Variants in CSMD1 observed in about 807,000 individuals in gnomAD.
The protein encoded by CSMD1 is CUB and Sushi multiple domains 1.
A neutral mutation model predicts 417.5 loss-of-function variants in CSMD1; 213 were observed. That is an observed-to-expected ratio of 0.51 (90% CI 0.46 to 0.57). The LOEUF (loss-of-function observed/expected upper bound fraction) is 0.57, where lower values mean the gene tolerates loss of function less well. Among genes scored for constraint, CSMD1 ranks in the 20% least tolerant of loss-of-function variants. The probability of loss-of-function intolerance (pLI) is 0.00; values close to 1 mark genes in which losing one functional copy is unlikely to be tolerated. For synonymous variants in CSMD1, 2,862 were observed against 1,736.8 expected (o/e 1.65, Z -16.11); for missense variants, 6,923 against 4,529.7 (o/e 1.53, Z -15.17).
intron 3 of CSMD1, among the ~76,000 whole-genome samples, chr8:4,064,299 A>C (rs2740873): frequency 0.83 from 127,038 of 152,170 alleles, 53,098 homozygotes; most frequent in Admixed American, 0.88. Context: ...TATATCCTGC[A>C]ATGTTCCTGG....
chr8:3,771,711 C>T (rs143025491), intron 5 of CSMD1, among the ~76,000 whole-genome samples: 1 of 152,120 alleles, frequency 6.6e-6, no homozygotes, highest in Admixed American at 6.5e-5. Context: ...GAGGTAAAAG[C>T]AGACAAAACG....
At chr8:3,815,552 C>T (rs1049464488) in intron 5 of CSMD1, among the ~76,000 whole-genome samples, 8 of 151,160 alleles carry the variant, frequency 5.3e-5, no homozygotes, top group African/African-American at 1.9e-4. Flanking sequence ...AAAAACTGTG[C>T]TTTTGAAAAA....
At chr8:3,838,877 TATTA>T (rs1802900281) in intron 5 of CSMD1, among the ~76,000 whole-genome samples, 1 of 107,076 alleles carries the variant, frequency 9.3e-6, no homozygotes, top group African/African-American at 4.1e-5. Flanking sequence ...TTATATATAA[TATTA>T]ATTATAATAT....
chr8:3,382,023 C>T (rs974606535), intron 18 of CSMD1, among the ~76,000 whole-genome samples: 29 of 151,984 alleles, frequency 1.9e-4, no homozygotes, highest in African/African-American at 6.0e-4. Flanking sequence ...TTTGGGAGGC[C>T]GAGGCAGGCA....
intron 2 of CSMD1, among the ~76,000 whole-genome samples, chr8:4,587,555 T>C (rs919450115): frequency 1.3e-5 from 2 of 152,144 alleles, no homozygotes; most frequent in Admixed American, 1.3e-4. Context: ...AGGAAATTTA[T>C]TTTGATACAG....
chr8:4,044,035 A>C (rs1016023374), intron 3 of CSMD1, among the ~76,000 whole-genome samples: 7 of 151,880 alleles, frequency 4.6e-5, no homozygotes, highest in Admixed American at 2.0e-4. Context: ...TTAAAAAAAA[A>C]CGCTGAATAA....
intron 41 of CSMD1, among the ~76,000 whole-genome samples, chr8:3,125,608 G>A (rs1817463752): frequency 6.6e-6 from 1 of 152,158 alleles, no homozygotes; most frequent in Non-Finnish European, 1.5e-5. Context: ...TCCCCATACT[G>A]GGCAATTCCT....
intron 23 of CSMD1, among the ~76,000 whole-genome samples, chr8:3,319,305 T>G (rs1211794769): frequency 2.0e-5 from 3 of 152,216 alleles, no homozygotes; most frequent in East Asian, 3.9e-4. Context: ...CCACAGGGAT[T>G]AGAACCACTG....
intron 5 of CSMD1, among the ~76,000 whole-genome samples, chr8:3,903,423 A>T (rs185704652): frequency 2.6e-4 from 39 of 152,286 alleles, no homozygotes; most frequent in Admixed American, 2.5e-3. Flanking sequence ...ATTAATATTA[A>T]TGTGATATTA....
intron 5 of CSMD1, among the ~76,000 whole-genome samples, chr8:3,954,004 G>T (rs969420090): frequency 6.6e-6 from 1 of 152,178 alleles, no homozygotes; most frequent in Non-Finnish European, 1.5e-5. Context: ...GATGCCTCCA[G>T]GTCTCAGCGC....
At chr8:4,907,722 C>CA (rs1222460081) in intron 1 of CSMD1, among the ~76,000 whole-genome samples, 1 of 85,166 alleles carries the variant, frequency 1.2e-5, no homozygotes, top group Non-Finnish European at 2.8e-5. Flanking sequence ...CTATCCCCGG[C>CA]AATTTTTTTT....
intron 12 of CSMD1, among the ~76,000 whole-genome samples, chr8:3,464,607 A>G (rs1199370720): frequency 6.7e-6 from 1 of 149,806 alleles, no homozygotes; most frequent in Admixed American, 6.7e-5. Context: ...TTTTAAGTAT[A>G]TAAATTATAC....
rs1452076612 is a variant in CSMD1, at chr8:4,172,839, G to C, written c.416-140740C>G. Among the ~76,000 whole-genome samples the C allele has an allele frequency of 2.6e-5, 4 of 152,100 alleles. No individual in the cohort carries two copies. The East Asian group carries it at 7.7e-4, about 29-fold the overall frequency. ...TGGATATGTCCATATGGAAGGGACT[G>C]AGGGCTGTCCACAGCCGTGTGCGTA... On this transcript the variant is annotated intron_variant, in intron 3 of 69. Coordinates refer to ENST00000635120, the MANE Select transcript of CSMD1 (RefSeq NM_033225.6).
chr8:3,485,090 T>A (rs1817949133), intron 11 of CSMD1, among the ~76,000 whole-genome samples: 1 of 152,166 alleles, frequency 6.6e-6, no homozygotes, highest in African/African-American at 2.4e-5. Context: ...AAAACTCATG[T>A]TTACATAACA....
chr8:3,931,870 A>G, intron 5 of CSMD1, among the ~76,000 whole-genome samples: 1 of 147,002 alleles, frequency 6.8e-6, no homozygotes, highest in East Asian at 2.0e-4. Flanking sequence ...GGGAGAAGTG[A>G]TTTTGGTTGT....
intron 1 of CSMD1, among the ~76,000 whole-genome samples, chr8:4,843,187 A>C (rs6988354): frequency 0.19 from 28,257 of 152,034 alleles, 2,880 homozygotes; most frequent in East Asian, 0.28. Context: ...ATTCCAAACC[A>C]CTACATTGAT....
At chr8:4,441,893 A>G (rs931310278) in intron 2 of CSMD1, among the ~76,000 whole-genome samples, 1 of 152,340 alleles carries the variant, frequency 6.6e-6, no homozygotes, top group Middle Eastern at 3.4e-3. Flanking sequence ...TGCTGCTACA[A>G]TTTTAGGAAA....
chr8:4,809,867 G>T (rs1798796100), intron 1 of CSMD1, among the ~76,000 whole-genome samples: 2 of 152,188 alleles, frequency 1.3e-5, no homozygotes, highest in South Asian at 4.1e-4. Context: ...CATGGGGCAA[G>T]CGGTTGCCAT....
At chr8:4,617,852 C>T (rs934688366) in intron 2 of CSMD1, among the ~76,000 whole-genome samples, 3 of 152,066 alleles carry the variant, frequency 2.0e-5, no homozygotes, top group African/African-American at 7.2e-5. Flanking sequence ...AGACCAAGAA[C>T]ACTCACCCTT....
Sources: gnomAD v4.1 joint callset for allele counts (sites outside exome capture counted in the v4.1 genomes callset) on GRCh38, gnomAD v4.1.1 for gene constraint, MANE v1.5 for transcripts, NCBI Gene and HGNC (gene_info 2026-07-23, HGNC 2026-07-21) for gene names.